The following HIPK1 variants were observed in gnomAD, a reference collection of about 807,000 sequenced individuals.
The protein encoded by HIPK1 is homeodomain-interacting protein kinase 1.
A neutral mutation model predicts 117.1 loss-of-function variants in HIPK1; 28 were observed. The ratio of observed to expected loss-of-function variants is 0.24; its 90% CI spans 0.18 to 0.33. The LOEUF (loss-of-function observed/expected upper bound fraction) is 0.33, where lower values mean the gene tolerates loss of function less well. Among genes scored for constraint, HIPK1 ranks in the 10% least tolerant of loss-of-function variants. The pLI, the probability that HIPK1 is intolerant of heterozygous loss-of-function variation, is 1.00. For missense variants in HIPK1, 1,122 were observed against 1,475.1 expected (o/e 0.76, Z 3.92); for synonymous variants, 605 against 562.5 (o/e 1.08, Z -1.07).
chr1:113,969,903 T>TCA, intron 13 of HIPK1, 53 bp from the exon 14 acceptor site: 5 of 1,601,844 alleles, frequency 3.1e-6, no homozygotes, highest in Non-Finnish European at 2.6e-6. Flanking sequence ...CAAGACGCTG[T>TCA]CACACACACA....
At chr1:113,938,438 A>G (rs577159022) in intron 1 of HIPK1, among the ~76,000 whole-genome samples, 3 of 152,202 alleles carry the variant, frequency 2.0e-5, no homozygotes, top group South Asian at 4.2e-4. Context: ...CTCCAAAGCA[A>G]TGAGAAACCC....
chr1:113,966,035 C>T, intron 10 of HIPK1, 95 bp from the exon 11 acceptor site: 1 of 1,276,138 alleles, frequency 7.8e-7, no homozygotes, highest in South Asian at 1.5e-5. Context: ...CAAGCAACTT[C>T]TTTTAAGATA....
intron 1 of HIPK1, among the ~76,000 whole-genome samples, chr1:113,940,125 C>G (rs1670552822): frequency 1.3e-5 from 2 of 152,060 alleles, no homozygotes; most frequent in Admixed American, 6.6e-5. Context: ...ACTTTTTTAT[C>G]TTAAAATGTG....
intron 14 of HIPK1, 24 bp from the exon 15 acceptor site, chr1:113,971,800 C>G (rs747439472): frequency 2.5e-6 from 4 of 1,588,230 alleles, no homozygotes; most frequent in Non-Finnish European, 3.4e-6. Flanking sequence ...CTACTCATAA[C>G]TATTAAGCCT....
intron 2 of HIPK1, among the ~76,000 whole-genome samples, chr1:113,944,039 A>T (rs1670818805): frequency 6.6e-6 from 1 of 151,734 alleles, no homozygotes. Context: ...TTTGTTGCCC[A>T]ATCTGGTCTC....
At position 113,940,559 on chromosome 1, in the gene HIPK1, C is replaced by T; in HGVS notation, c.176C>T (p.Ser59Phe). Residue 59 changes from serine (S) to phenylalanine (F), a missense_variant, in exon 2 of 16, where the codon TCT becomes TTT. This residue lies in a region of HIPK1 where 192 missense variants were observed against 234.0 expected (regional missense o/e 0.82). Transcript: ENST00000426820. ...GCCACACAAGGGCAAGCCAACTCCT[C>T]TCACCAGGTAGCAAATTTCAACATC... ...LPATQGQANS[S>F]HQVANFNIPA... 5 of 1,614,180 alleles carry T rather than the reference C, an allele frequency of 3.1e-6. No homozygotes were observed. The highest frequency in any genetic ancestry group is 4.2e-6 in the Non-Finnish European group (5 of 1,180,036).
At chr1:113,932,777 G>T (rs1462379421) in intron 1 of HIPK1, among the ~76,000 whole-genome samples, 3 of 151,858 alleles carry the variant, frequency 2.0e-5, no homozygotes, top group African/African-American at 7.3e-5. Context: ...AGTGTCTTCT[G>T]CTCCAGTTAA....
At chr1:113,931,993 A>G (rs1331148049) in intron 1 of HIPK1, among the ~76,000 whole-genome samples, 1 of 152,152 alleles carries the variant, frequency 6.6e-6, no homozygotes, top group African/African-American at 2.4e-5. Context: ...AACACAAGTC[A>G]TCAAGATTAT....
At chr1:113,961,019 A>G (rs919877406) in intron 8 of HIPK1, among the ~76,000 whole-genome samples, 3 of 152,224 alleles carry the variant, frequency 2.0e-5, no homozygotes, top group Non-Finnish European at 4.4e-5. Flanking sequence ...TAAAATCTTT[A>G]TATCCTCACT....
intron 1 of HIPK1, among the ~76,000 whole-genome samples, chr1:113,939,624 A>G (rs1195886652): frequency 6.6e-6 from 1 of 152,118 alleles, no homozygotes; most frequent in Non-Finnish European, 1.5e-5. Context: ...AGTCTTTTGA[A>G]GATGACTAAT....
intron 1 of HIPK1, chr1:113,933,131 T>C: frequency 1.0e-6 from 1 of 975,548 alleles, no homozygotes; most frequent in Non-Finnish European, 1.2e-6. Flanking sequence ...TTTTGTTCTG[T>C]TGCCGTAGTC....
Position 113,974,278 on chromosome 1 carries a change from T to C in HIPK1, c.*766T>C, listed in dbSNP as rs1396119728. 1 of 152,784 alleles carries C rather than the reference T, an allele frequency of 6.5e-6. No homozygotes were observed. The highest frequency in any genetic ancestry group is 2.4e-5 in the African/African-American group (1 of 41,474). 9.5% of individuals were successfully genotyped at this position (152,784 alleles called of 1,614,324 possible). ...CATATCTGCGTGAAAACACCAAGTA[T>C]TCTTTTTAAATGAAGCACCATGAAT... On this transcript the variant is annotated 3_prime_UTR_variant, in exon 16 of 16. Transcript: ENST00000426820.
chr1:113,973,407 A>C lies in HIPK1; in HGVS notation c.3528A>C (p.Gln1176His), dbSNP rs1176998286. 1.2e-6 allele frequency: 2 copies of C among 1,614,042 alleles called. No individual in the cohort carries two copies. Among genetic ancestry groups the C allele is most frequent in the South Asian group, 2.2e-5 (2 of 91,080 alleles). The change falls in exon 16 of 16, where the codon CAA (glutamine) becomes CAC (histidine). Residue 1176 changes from glutamine to histidine, a missense_variant. Physicochemically the swap from Gln to His is conservative, Grantham distance 24. Around this residue, in one of 6 missense-constraint regions of HIPK1, gnomAD observed 731 missense variants for 860.4 expected, o/e 0.85. Transcript: ENST00000426820. ...TSASVAPAQYQHQFATQSYIG... is the reference protein window; with the variant it reads ...TSASVAPAQYHHQFATQSYIG... Reference sequence around the variant, plus strand: ...CCAGCGTGGCCCCTGCTCAGTACCAACACCAGTTTGCCACCCAATCCTACA... The same window carrying C: ...CCAGCGTGGCCCCTGCTCAGTACCACCACCAGTTTGCCACCCAATCCTACA...
At chr1:113,957,973 A>G in intron 7 of HIPK1, 93 bp from the exon 8 acceptor site, 1 of 937,898 alleles carries the variant, frequency 1.1e-6, no homozygotes, top group Non-Finnish European at 1.7e-6. Context: ...TTAAAACATT[A>G]TTCTACGTTT....
chr1:113,947,462 GT>G (rs1265885742), intron 2 of HIPK1, among the ~76,000 whole-genome samples: 1 of 152,156 alleles, frequency 6.6e-6, no homozygotes, highest in African/African-American at 2.4e-5. Context: ...TCAAAATATA[GT>G]TTCACCTAAG....
At chr1:113,972,983 A>G in intron 15 of HIPK1, 41 bp from the exon 16 acceptor site, 1 of 1,508,918 alleles carries the variant, frequency 6.6e-7, no homozygotes, top group Non-Finnish European at 8.9e-7. Context: ...CCTGAGCTGG[A>G]GTGACCTCAG....
chr1:113,968,291 ATTTTC>A, intron 12 of HIPK1, 146 bp from the exon 13 acceptor site: 1 of 652,696 alleles, frequency 1.5e-6, no homozygotes, highest in Non-Finnish European at 2.7e-6. Flanking sequence ...CATGGTGCTT[ATTTTC>A]ACTGGAACTT....
At chr1:113,942,224 C>T (rs1670697070) in intron 2 of HIPK1, among the ~76,000 whole-genome samples, 1 of 151,730 alleles carries the variant, frequency 6.6e-6, no homozygotes, top group African/African-American at 2.4e-5. Context: ...CCACGCCCGG[C>T]TAATTTTTTT....
intron 1 of HIPK1, among the ~76,000 whole-genome samples, chr1:113,935,399 A>G (rs1343455279): frequency 6.6e-6 from 1 of 152,160 alleles, no homozygotes; most frequent in East Asian, 1.9e-4. Context: ...TCCATGGTGT[A>G]TATGTATCAC....
Sources: allele counts gnomAD v4.1 joint callset (sites outside exome capture counted in the v4.1 genomes callset), GRCh38; gene constraint gnomAD v4.1.1; regional missense constraint gnomAD v4.1.1; transcripts MANE v1.5; gene names NCBI Gene and HGNC (gene_info 2026-07-23, HGNC 2026-07-21).